Variants in CLVS1 observed in about 807,000 individuals in gnomAD.
CLVS1 encodes the protein clavesin-1.
In CLVS1, 10 loss-of-function variants were observed where a neutral mutation model predicts 33.1. That is an observed-to-expected ratio of 0.30 (90% CI 0.19 to 0.51). The LOEUF (loss-of-function observed/expected upper bound fraction) is 0.51, where lower values mean the gene tolerates loss of function less well. CLVS1 is among the 20% of genes least tolerant of loss of function. CLVS1 has a pLI of 0.97. For synonymous variants in CLVS1, 163 were observed against 166.1 expected, an observed-to-expected ratio of 0.98 and a Z score of 0.14; for missense variants, 343 against 433.4, an observed-to-expected ratio of 0.79 and a Z score of 1.85.
At chr8:61,194,108 T>C (rs1807552256) in intron 2 of CLVS1, among the ~76,000 whole-genome samples, 1 of 151,884 alleles carries the variant, frequency 6.6e-6, no homozygotes, top group Non-Finnish European at 1.5e-5. Flanking sequence ...GTAATGAAAA[T>C]ACATGTTTGA....
chr8:61,462,978 T>C (rs1490163716), intron 5 of CLVS1, among the ~76,000 whole-genome samples: 1 of 152,212 alleles, frequency 6.6e-6, no homozygotes, highest in Non-Finnish European at 1.5e-5. Context: ...ATTCTTCCAA[T>C]AGAAGGCTGT....
the CLVS1 span, among the ~76,000 whole-genome samples, chr8:60,972,003 G>C: frequency 6.6e-6 from 1 of 152,198 alleles, no homozygotes; most frequent in African/African-American, 2.4e-5. Context: ...GGTAAGCTCG[G>C]CTGGGTGGTG....
chr8:61,292,220 C>A, intron 1 of CLVS1: 1 of 387,520 alleles, frequency 2.6e-6, no homozygotes, highest in South Asian at 1.9e-5. Context: ...GAAATAAGAG[C>A]TCAGAAATTC....
At chr8:61,475,935 C>A (rs1012819689) in intron 5 of CLVS1, among the ~76,000 whole-genome samples, 149 of 152,030 alleles carry the variant, frequency 9.8e-4, no homozygotes, top group Admixed American at 1.9e-3. Flanking sequence ...TTTAGGTCTA[C>A]CATTTAAGTC....
At chr8:61,004,630 C>T in the CLVS1 span, among the ~76,000 whole-genome samples, 2 of 152,162 alleles carry the variant, frequency 1.3e-5, no homozygotes, top group Non-Finnish European at 2.9e-5. Flanking sequence ...TCAGAGTGAC[C>T]GCCAGGAAGC....
At chr8:61,338,015 T>C (rs761527257) in intron 2 of CLVS1, among the ~76,000 whole-genome samples, 1 of 152,196 alleles carries the variant, frequency 6.6e-6, no homozygotes, top group Admixed American at 6.5e-5. Flanking sequence ...TCCAGACAGG[T>C]AACCTGCAGA....
intron 5 of CLVS1, among the ~76,000 whole-genome samples, chr8:61,483,657 T>A (rs1803755135): frequency 6.6e-6 from 1 of 152,272 alleles, no homozygotes; most frequent in Non-Finnish European, 1.5e-5. Context: ...AAAGAGAATT[T>A]TAGACCAATA....
intron 2 of CLVS1, among the ~76,000 whole-genome samples, chr8:61,150,101 G>GGTAGGTGTGTGTGTGTGTGTGTGT (rs1554540383): frequency 6.8e-6 from 1 of 146,438 alleles, no homozygotes; most frequent in African/African-American, 2.6e-5. Flanking sequence ...ATTTGAGAAA[G>GGTAGGTGTGTGTGTGTGTGTGTGT]GTGTGTGTGT....
At chr8:61,168,365 CTTAAA>C (rs1806924060) in intron 2 of CLVS1, among the ~76,000 whole-genome samples, 1 of 152,148 alleles carries the variant, frequency 6.6e-6, no homozygotes. Flanking sequence ...ACAAAGCAGA[CTTAAA>C]AAGAGCCTAA....
chr8:61,357,931 T>A (rs1237544627), intron 2 of CLVS1, among the ~76,000 whole-genome samples: 1 of 152,172 alleles, frequency 6.6e-6, no homozygotes, highest in African/African-American at 2.4e-5. Flanking sequence ...ATCTTTCAGA[T>A]CCCTTCCCAC....
intron 3 of CLVS1, among the ~76,000 whole-genome samples, chr8:61,420,156 A>T (rs1430492341): frequency 6.6e-6 from 1 of 152,188 alleles, no homozygotes; most frequent in Non-Finnish European, 1.5e-5. Flanking sequence ...GTCTTAGGGT[A>T]GGTTAGTTAA....
chr8:60,985,526 A>G, the CLVS1 span, among the ~76,000 whole-genome samples: 1 of 152,096 alleles, frequency 6.6e-6, no homozygotes, highest in Non-Finnish European at 1.5e-5. Flanking sequence ...GACTCTGTGC[A>G]GTTGGCTCCA....
chr8:60,990,831 C>T, the CLVS1 span, among the ~76,000 whole-genome samples: 1 of 151,816 alleles, frequency 6.6e-6, no homozygotes, highest in African/African-American at 2.4e-5. Context: ...GTCTCAGCCT[C>T]CCGAATAGCT....
chr8:61,300,371 G>A (rs1172758664), intron 2 of CLVS1, 89 bp downstream of exon 2: 2 of 1,141,542 alleles, frequency 1.8e-6, no homozygotes, highest in Middle Eastern at 2.0e-4. Context: ...ATATGTAATG[G>A]GCTTTCATTA....
At chr8:61,232,041 T>TTTTTTTTTTTTTTTTTTTTTTTTTTTTG (rs1554548394) in intron 2 of CLVS1, among the ~76,000 whole-genome samples, 6 of 116,014 alleles carry the variant, frequency 5.2e-5, no homozygotes, top group African/African-American at 2.4e-4. Context: ...TTTTTTTTTT[T>TTTTTTTTTTTTTTTTTTTTTTTTTTTTG]TTTTTTTTTG....
intron 1 of CLVS1, among the ~76,000 whole-genome samples, chr8:61,120,704 C>T (rs1438039542): frequency 7.0e-6 from 1 of 142,256 alleles, no homozygotes; most frequent in Non-Finnish European, 1.5e-5. Flanking sequence ...GGGTCAGGGA[C>T]CCACTTGAGG....
intron 2 of CLVS1, among the ~76,000 whole-genome samples, chr8:61,154,989 C>T (rs564845940): frequency 2.6e-4 from 39 of 152,206 alleles, no homozygotes; most frequent in African/African-American, 9.2e-4. Context: ...GGTGTGTGTG[C>T]GTGTGTGCAT....
At chr8:61,498,307 A>G (rs1383608319) in intron 5 of CLVS1, among the ~76,000 whole-genome samples, 2 of 152,154 alleles carry the variant, frequency 1.3e-5, no homozygotes, top group African/African-American at 4.8e-5. Context: ...ATATACAAAG[A>G]TCTCCTTATC....
intron 1 of CLVS1, among the ~76,000 whole-genome samples, chr8:61,120,413 T>C (rs1431940257): frequency 7.6e-6 from 1 of 131,020 alleles, no homozygotes; most frequent in Non-Finnish European, 1.6e-5. Context: ...CCGTTGCTGG[T>C]GAGGAACTGC....
Sources: gnomAD v4.1 joint callset for allele counts (sites outside exome capture counted in the v4.1 genomes callset) on GRCh38, gnomAD v4.1.1 for gene constraint, MANE v1.5 for transcripts, NCBI Gene and HGNC (gene_info 2026-07-23, HGNC 2026-07-21) for gene names.